The following CCL28 variants were observed in gnomAD, a reference collection of about 807,000 sequenced individuals.
CCL28 encodes the protein C-C motif chemokine 28.
A neutral mutation model predicts 7.1 loss-of-function variants in CCL28; 4 were observed. The ratio of observed to expected loss-of-function variants is 0.56; its 90% CI spans 0.28 to 1.29. CCL28 has a LOEUF of 1.29. Among genes scored for constraint, CCL28 ranks in the 50% most tolerant of loss-of-function variants. CCL28 has a pLI of 0.11. For synonymous variants in CCL28, 55 were observed against 57.8 expected (o/e 0.95, Z 0.22); for missense variants, 151 against 163.4 (o/e 0.92, Z 0.41).
Position 43,380,491 on chromosome 5 carries a change from C to T in CCL28, c.*1369G>A, listed in dbSNP as rs1167953830. 1 of 152,006 alleles carries T rather than the reference C, an allele frequency of 6.6e-6. No individual in the cohort carries two copies. Among genetic ancestry groups the T allele is most frequent in the Non-Finnish European group, 1.5e-5 (1 of 68,004 alleles). 9.4% of individuals were successfully genotyped at this position (152,006 alleles called of 1,614,324 possible). A position where few individuals can be genotyped will look rare whatever the true frequency, so the allele number is the denominator to read the frequency against. ...GAAATTCTTAACCAAAAACATTAAA[C>T]CTGAATTTGATCACAAGAAAATAAT... On this transcript the variant is annotated 3_prime_UTR_variant, in exon 3 of 3. Coordinates refer to ENST00000361115, the MANE Select transcript of CCL28 (RefSeq NM_148672.3).
At chr5:43,406,248 A>G (rs969477280) in intron 1 of CCL28, among the ~76,000 whole-genome samples, 3 of 152,312 alleles carry the variant, frequency 2.0e-5, no homozygotes, top group Non-Finnish European at 2.9e-5. Flanking sequence ...AAAATCCTCA[A>G]TAAAACACTC....
chr5:43,379,823 C>G lies in CCL28; in HGVS notation c.*2037G>C, dbSNP rs191848430. 7 of 152,270 alleles carry G rather than the reference C, an allele frequency of 4.6e-5. No individual in the cohort carries two copies. The highest frequency in any genetic ancestry group is 1.7e-4 in the African/African-American group (7 of 41,540). The allele number at this position is 152,270 out of a possible 1,614,324, so 9.4% of individuals were successfully genotyped here. ...CAAAAGAGGAATGGCACAATGGTAT[C>G]AACTCAAACGTGTGAGCCCGGCATG... On this transcript the variant is annotated 3_prime_UTR_variant, in exon 3 of 3. Transcript: ENST00000361115.
At chr5:43,373,303 TTG>T (rs796104835), downstream of CCL28, among the ~76,000 whole-genome samples, 5 of 151,372 alleles carry the variant, frequency 3.3e-5, 1 homozygote, top group Non-Finnish European at 7.4e-5. Context: ...CGCTTGATTT[TTG>T]TGTGTGTGTG....
At chr5:43,382,756 T>C (rs11951515) in intron 2 of CCL28, among the ~76,000 whole-genome samples, 80,449 of 152,072 alleles carry the variant, frequency 0.53, 22,054 homozygotes, top group Middle Eastern at 0.67. Context: ...TTGTTAACAT[T>C]TTAATATGAT....
intron 1 of CCL28, among the ~76,000 whole-genome samples, chr5:43,405,767 A>G (rs1326177992): frequency 6.6e-6 from 1 of 152,186 alleles, no homozygotes; most frequent in African/African-American, 2.4e-5. Context: ...AATAAATAAG[A>G]AAAGAGACAA....
At chr5:43,370,673 C>T in the CCL28 span, among the ~76,000 whole-genome samples, 1 of 151,908 alleles carries the variant, frequency 6.6e-6, no homozygotes, top group African/African-American at 2.4e-5. Context: ...TTTCCATTCA[C>T]AGAATATGAA....
At chr5:43,373,427 A>T (rs917812852), downstream of CCL28, among the ~76,000 whole-genome samples, 14 of 151,920 alleles carry the variant, frequency 9.2e-5, no homozygotes, top group African/African-American at 3.4e-4. Context: ...CAGCCTCCCG[A>T]GTAGCTGGGA....
At chr5:43,396,348 G>T (rs1172073058) in intron 1 of CCL28, among the ~76,000 whole-genome samples, 1 of 152,152 alleles carries the variant, frequency 6.6e-6, no homozygotes, top group African/African-American at 2.4e-5. Context: ...TATTAGCAAG[G>T]TCTTTTATGA....
chr5:43,377,151 G>A (rs533462783), downstream of CCL28: 1 of 152,268 alleles, frequency 6.6e-6, no homozygotes, highest in African/African-American at 2.4e-5. Context: ...GTTTCAATAG[G>A]AGGAAAAGGA....
At chr5:43,389,326 C>A (rs1289677546) in intron 1 of CCL28, among the ~76,000 whole-genome samples, 1 of 152,200 alleles carries the variant, frequency 6.6e-6, no homozygotes, top group Non-Finnish European at 1.5e-5. Flanking sequence ...TTTATTAATG[C>A]ATTTATTTCC....
the CCL28 span, among the ~76,000 whole-genome samples, chr5:43,370,487 C>T: frequency 1.3e-5 from 2 of 152,048 alleles, no homozygotes; most frequent in Non-Finnish European, 2.9e-5. Flanking sequence ...ATATCTTTAC[C>T]TGTTTACATA....
chr5:43,385,606 A>G (rs186535490), intron 2 of CCL28, among the ~76,000 whole-genome samples: 1 of 152,336 alleles, frequency 6.6e-6, no homozygotes, highest in African/African-American at 2.4e-5. Flanking sequence ...GTTGAACATC[A>G]GGAAACACAA....
chr5:43,400,791 T>C (rs747096352), intron 1 of CCL28, among the ~76,000 whole-genome samples: 156 of 151,832 alleles, frequency 1.0e-3, no homozygotes, highest in Non-Finnish European at 1.9e-3. Context: ...TGAGTGCAAT[T>C]TAAGAAGGGC....
At chr5:43,398,660 C>A (rs938237729) in intron 1 of CCL28, among the ~76,000 whole-genome samples, 5 of 152,132 alleles carry the variant, frequency 3.3e-5, no homozygotes, top group Non-Finnish European at 7.4e-5. Flanking sequence ...ACCAGCCTGG[C>A]CAAGATGGTG....
the CCL28 span, among the ~76,000 whole-genome samples, chr5:43,367,017 C>T: frequency 1.0e-3 from 158 of 152,276 alleles, 1 homozygote; most frequent in Non-Finnish European, 1.8e-3. Context: ...GTGTTTACAC[C>T]GTGTTTGTGT....
At chr5:43,405,863 A>G (rs954603972) in intron 1 of CCL28, among the ~76,000 whole-genome samples, 4 of 152,230 alleles carry the variant, frequency 2.6e-5, no homozygotes, top group Non-Finnish European at 4.4e-5. Context: ...AGAATACTAT[A>G]AACACCTCTA....
intron 1 of CCL28, among the ~76,000 whole-genome samples, chr5:43,389,395 G>C (rs1740474678): frequency 6.7e-6 from 1 of 149,846 alleles, no homozygotes; most frequent in Non-Finnish European, 1.5e-5. Context: ...TTAATATCCT[G>C]AACAAGGTAT....
Position 43,388,410 on chromosome 5 carries a change from T to C in CCL28, c.131A>G (p.Glu44Gly). 1.9e-6 allele frequency: 3 copies of C among 1,614,122 alleles called. No homozygotes were observed. The highest frequency in any genetic ancestry group is 2.5e-6 in the Non-Finnish European group (3 of 1,180,012). ...VSHHISRRLL[E>G]RVNMCRIQRA... ...CTGGATGCGACACATATTCACTCTT[T>C]CCAGGAGCCTTCTGGAAATATGATG... Residue 44 changes from glutamate to glycine, a missense_variant, in exon 2 of 3, where the codon GAA becomes GGA. By Grantham distance (98) the Glu-to-Gly change is moderately conservative. Coordinates refer to ENST00000361115, the MANE Select transcript of CCL28 (RefSeq NM_148672.3).
chr5:43,403,804 G>A (rs1404180077), intron 1 of CCL28, among the ~76,000 whole-genome samples: 1 of 152,168 alleles, frequency 6.6e-6, no homozygotes, highest in Non-Finnish European at 1.5e-5. Context: ...CCAATGCAGA[G>A]AAGTCCTTAA....
Sources: allele counts gnomAD v4.1 joint callset (sites outside exome capture counted in the v4.1 genomes callset), GRCh38; gene constraint gnomAD v4.1.1; transcripts MANE v1.5; gene names NCBI Gene and HGNC (gene_info 2026-07-23, HGNC 2026-07-21).